Variants in EPHB2 observed in about 807,000 individuals in gnomAD.
EPHB2 encodes the protein ephrin type-B receptor 2.
EPHB2 carries 18 observed loss-of-function variants against 96.4 expected under a neutral mutation model. The observed-to-expected ratio is 0.19, with a 90% CI of 0.13 to 0.28. The LOEUF (loss-of-function observed/expected upper bound fraction) is 0.28, where lower values mean the gene tolerates loss of function less well. Ranked by LOEUF, EPHB2 falls within the 10% of genes least tolerant of loss-of-function variation. The pLI, the probability that EPHB2 is intolerant of heterozygous loss-of-function variation, is 1.00. For missense variants in EPHB2, 989 were observed against 1,355.4 expected (o/e 0.73, Z 4.25); for synonymous variants, 506 against 534.1 (o/e 0.95, Z 0.72).
At chr1:22,901,808 T>TGTGTGTGTGA (rs1319901314) in intron 9 of EPHB2, among the ~76,000 whole-genome samples, 19 of 134,460 alleles carry the variant, frequency 1.4e-4, no homozygotes, top group African/African-American at 5.6e-4. Flanking sequence ...TAACTTCGTG[T>TGTGTGTGTGA]GTGTGTGTGT....
Position 22,846,726 on chromosome 1 carries a change from G to A in EPHB2, c.812-16311G>A, listed in dbSNP as rs758198949. 2.6e-5 allele frequency among the ~76,000 whole-genome samples: 4 copies of A among 152,108 alleles called. No homozygotes were observed. Among genetic ancestry groups the A allele is most frequent in the African/African-American group, 7.2e-5 (3 of 41,420 alleles). On this transcript the variant is annotated intron_variant, in intron 3 of 15. Coordinates refer to ENST00000374630, the MANE Select transcript of EPHB2 (RefSeq NM_017449.5). This position sits in a 1 kb window ranked among gnomAD's most constrained non-coding sequence, Gnocchi z 4.3. ...CCGCCCACGCTGCTCCCTCAGCCTC[G>A]CATGCTTCTCCTTTCTTGCTTTTGT... is the stretch of plus-strand genomic sequence containing the variant.
intron 5 of EPHB2, among the ~76,000 whole-genome samples, chr1:22,866,325 T>C (rs1221182596): frequency 6.6e-6 from 1 of 152,090 alleles, no homozygotes; most frequent in Non-Finnish European, 1.5e-5. Context: ...CTTTCTGATG[T>C]AGGGTGGGGC....
intron 3 of EPHB2, among the ~76,000 whole-genome samples, chr1:22,839,718 CTA>C (rs565176468): frequency 3.1e-4 from 47 of 152,246 alleles, no homozygotes; most frequent in Middle Eastern, 3.4e-3. Context: ...TGAAGGACAT[CTA>C]TGAACTGACA....
chr1:22,843,252 G>C (rs1426069301), intron 3 of EPHB2, among the ~76,000 whole-genome samples: 1 of 152,172 alleles, frequency 6.6e-6, no homozygotes, highest in Non-Finnish European at 1.5e-5. Context: ...GAGGCTCTGG[G>C]GGTTCAAGCA....
chr1:22,767,244 C>CT (rs911374755), intron 1 of EPHB2, among the ~76,000 whole-genome samples: 20 of 152,316 alleles, frequency 1.3e-4, no homozygotes, highest in African/African-American at 4.8e-4. Context: ...GAAGGGGCAT[C>CT]TAACTCAAGC....
chr1:22,881,174 G>T (rs1326539504), intron 5 of EPHB2, among the ~76,000 whole-genome samples: 1 of 152,198 alleles, frequency 6.6e-6, no homozygotes, highest in Non-Finnish European at 1.5e-5. Flanking sequence ...ACTGAGGCAG[G>T]CAGATCACCT....
At chr1:22,876,630 C>T (rs1364846283) in intron 5 of EPHB2, among the ~76,000 whole-genome samples, 1 of 152,224 alleles carries the variant, frequency 6.6e-6, no homozygotes, top group Non-Finnish European at 1.5e-5. Context: ...GCACCACTGA[C>T]CCCATCCCCC....
chr1:22,782,777 GAAAA>G (rs371210915), intron 2 of EPHB2, among the ~76,000 whole-genome samples: 1 of 148,288 alleles, frequency 6.7e-6, no homozygotes, highest in East Asian at 2.0e-4. Context: ...CCACCAAAAA[GAAAA>G]AAAAAAATTA....
rs945053287 is a variant in EPHB2, at chr1:22,909,020, A to G, written c.2353-2A>G. 5.0e-6 allele frequency: 8 copies of G among 1,614,032 alleles called. No homozygotes were observed. The Admixed American group carries it at 1.2e-4, about 24-fold the overall frequency. ...ACAAACCCTCCTCTTTCTGTCTCCC[A>G]GGGCGGAAAGATCCCCATCCGCTGG... On this transcript the variant is annotated splice_acceptor_variant, in intron 12 of 15. Transcript: ENST00000374630. LOFTEE classifies it high-confidence loss of function.
rs561535377 is a variant in EPHB2 at position 22,773,086 on chromosome 1, A to G, written c.62-8335A>G. 5.3e-5 allele frequency among the ~76,000 whole-genome samples: 8 copies of G among 152,290 alleles called. No individual in the cohort carries two copies. In the South Asian group the frequency reaches 1.7e-3, roughly 32 times the overall value. On this transcript the variant is annotated intron_variant, in intron 1 of 15. Transcript: ENST00000374630. Reference sequence around the variant, plus strand: ...CCACCACCTTTCCCTATGGTTCTGTATGGTCCAGCCTTTGCATACTGTAAA... The same window carrying G: ...CCACCACCTTTCCCTATGGTTCTGTGTGGTCCAGCCTTTGCATACTGTAAA...
At chr1:22,829,684 TG>T (rs1467597648) in intron 3 of EPHB2, among the ~76,000 whole-genome samples, 1 of 151,988 alleles carries the variant, frequency 6.6e-6, no homozygotes, top group African/African-American at 2.4e-5. Flanking sequence ...TAGGGCCATT[TG>T]GGGACACAGA....
chr1:22,809,774 G>A (rs564731071), intron 3 of EPHB2, among the ~76,000 whole-genome samples: 13 of 152,330 alleles, frequency 8.5e-5, no homozygotes, highest in South Asian at 8.3e-4. Flanking sequence ...AAGACTGCGC[G>A]AGGAGCAAGA....
At chr1:22,864,813 G>A (rs934040755) in intron 4 of EPHB2, 64 bp from the exon 5 acceptor site, 2 of 1,077,594 alleles carry the variant, frequency 1.9e-6, no homozygotes, top group Non-Finnish European at 2.7e-6. Flanking sequence ...CGGGCACAGA[G>A]TGGTCACATG....
At chr1:22,897,544 T>C (rs2124025381) in intron 9 of EPHB2, among the ~76,000 whole-genome samples, 1 of 151,980 alleles carries the variant, frequency 6.6e-6, no homozygotes, top group African/African-American at 2.4e-5. Context: ...TCCCAGCACT[T>C]TGGGAGGCTG....
rs1640173032 is a variant in EPHB2 at position 22,913,423 on chromosome 1, C to T, written c.2853-39C>T. On this transcript the variant is annotated intron_variant, in intron 15 of 15. Transcript: ENST00000374630. This position sits in a 1 kb window ranked among gnomAD's most constrained non-coding sequence, Gnocchi z 4.1. ...CTCTACCAGGCACAGGACCCCTTCA[C>T]CCGCATATTTCCCTAACACACGTGC... 1 of 1,610,680 alleles carries T rather than the reference C, an allele frequency of 6.2e-7. No homozygotes were observed.
chr1:22,848,765 C>T (rs1271862879), intron 3 of EPHB2, among the ~76,000 whole-genome samples: 1 of 152,106 alleles, frequency 6.6e-6, no homozygotes, highest in African/African-American at 2.4e-5. Flanking sequence ...GCTGGGACCT[C>T]GAGTGGGATT....
rs1272128894 is a variant in EPHB2, at chr1:22,784,968, G to A, written c.703G>A (p.Val235Ile). ...CATCGCCAATGCGGAAGAGGTGGAT[G>A]TACCCATCAAGCTCTACTGTAACGG... ...SCIANAEEVD[V>I]PIKLYCNGDG... The change falls in exon 3 of 16, where the codon GTA becomes ATA. Residue 235 changes from valine (V) to isoleucine (I), a missense_variant. Physicochemically the swap from Val to Ile is conservative, Grantham distance 29. Coordinates refer to ENST00000374630, the MANE Select transcript of EPHB2 (RefSeq NM_017449.5). The surrounding 1 kb of genome is among the most constrained non-coding windows in gnomAD (Gnocchi z 5.1). 6.2e-7 allele frequency: 1 copy of A among 1,613,998 alleles called. No individual in the cohort carries two copies. The highest frequency in any genetic ancestry group is 8.5e-7 in the Non-Finnish European group (1 of 1,180,052).
At chr1:22,867,142 C>T (rs141167869) in intron 5 of EPHB2, among the ~76,000 whole-genome samples, 4 of 152,276 alleles carry the variant, frequency 2.6e-5, no homozygotes, top group African/African-American at 9.6e-5. Flanking sequence ...AGTTCTTGGG[C>T]GAAGTCCTTG....
rs76296119 is a variant in EPHB2 at position 22,858,906 on chromosome 1, A to C, written c.812-4131A>C. Among the ~76,000 whole-genome samples the C allele has an allele frequency of 0.02, 3,100 of 152,316 alleles. 102 individuals are homozygous for C. Among genetic ancestry groups the C allele is most frequent in the African/African-American group, 0.071 (2,932 of 41,550 alleles). ...TCCACCCATCACCCACTAGAAACCC[A>C]GCATTATACTGGGAGTTTACAGTCC... On this transcript the variant is annotated intron_variant, in intron 3 of 15. Coordinates refer to ENST00000374630, the MANE Select transcript of EPHB2 (RefSeq NM_017449.5). This position sits in a 1 kb window ranked among gnomAD's most constrained non-coding sequence, Gnocchi z 7.7.
Sources: allele counts gnomAD v4.1 joint callset (sites outside exome capture counted in the v4.1 genomes callset), GRCh38; gene constraint gnomAD v4.1.1; non-coding constraint Gnocchi (gnomAD v3.1); transcripts MANE v1.5; gene names NCBI Gene and HGNC (gene_info 2026-07-23, HGNC 2026-07-21).